The following SAMD9L variants were observed in gnomAD, a reference collection of about 807,000 sequenced individuals.
SAMD9L encodes the protein sterile alpha motif domain-containing protein 9-like.
SAMD9L carries 68 observed loss-of-function variants against 90.7 expected under a neutral mutation model. The observed-to-expected ratio is 0.75, with a 90% CI of 0.62 to 0.92. SAMD9L has a LOEUF of 0.92. SAMD9L is among the 40% of genes least tolerant of loss of function. The pLI is 0.00. For missense variants in SAMD9L, 1,604 were observed against 1,824.3 expected, an observed-to-expected ratio of 0.88 and a Z score of 2.20; for synonymous variants, 640 against 630.1, an observed-to-expected ratio of 1.02 and a Z score of -0.23.
rs759789726 is a variant in SAMD9L, at chr7:93,135,710, C to T, written c.262G>A (p.Gly88Arg). 2 of 1,613,758 alleles carry T rather than the reference C, an allele frequency of 1.2e-6. No individual in the cohort carries two copies. Among genetic ancestry groups the T allele is most frequent in the African/African-American group, 1.3e-5 (1 of 74,894 alleles). ...KSPESDNHDP[G>R]QLDNSKPSKT... ...GACGGTTTTGAATTATCTAATTGTC[C>T]CGGATCATGATTGTCACTTTCAGGG... is the stretch of plus-strand genomic sequence containing the variant. The change falls in exon 5 of 5, where the codon GGA (glycine) becomes AGA (arginine). Residue 88 changes from glycine (G) to arginine (R), a missense_variant. Coordinates refer to ENST00000318238, the MANE Select transcript of SAMD9L (RefSeq NM_152703.5).
rs147866513 is a variant in SAMD9L, at chr7:93,135,058, A to G, written c.914T>C (p.Ile305Thr). The change falls in exon 5 of 5, where the codon ATT becomes ACT. Residue 305 changes from isoleucine (I) to threonine (T), a missense_variant. Around this residue, in one of 7 missense-constraint regions of SAMD9L, gnomAD observed 374 missense variants for 363.6 expected, o/e 1.03. Coordinates refer to ENST00000318238, the MANE Select transcript of SAMD9L (RefSeq NM_152703.5). ...QNNTPSDRFV[I>T]EVDTIPKHSI... ...GTGTTTTGGAATAGTATCAACTTCA[A>G]TGACAAATCTGTCAGATGGTGTATT... is the stretch of plus-strand genomic sequence containing the variant. 22 of 1,613,186 alleles carry G rather than the reference A, an allele frequency of 1.4e-5. No individual in the cohort carries two copies. The highest frequency in any genetic ancestry group is 2.7e-5 in the African/African-American group (2 of 74,922).
At chr7:93,136,240 T>C (rs952446144) in intron 4 of SAMD9L, among the ~76,000 whole-genome samples, 1 of 152,222 alleles carries the variant, frequency 6.6e-6, no homozygotes, top group Non-Finnish European at 1.5e-5. Flanking sequence ...ACACACCTTT[T>C]AGCCTTATAA....
At position 93,131,539 on chromosome 7, in the gene SAMD9L, A is replaced by G; in HGVS notation, c.4433T>C (p.Leu1478Pro). The stretch of plus-strand genomic sequence containing the variant: ...ACTGTTTAGACCCTTCCTTTTGCCC[A>G]GATAGAAAAGTGTGCTTGCCTGCTT... Reference protein sequence around the residue: ...RSKQASTLFYLGKRKGLNSIV... With the variant: ...RSKQASTLFYPGKRKGLNSIV... The change falls in exon 5 of 5, where the codon CTG (leucine) becomes CCG (proline). Residue 1478 changes from leucine (L) to proline (P), a missense_variant. By Grantham distance (98) the Leu-to-Pro change is moderately conservative. This residue lies in a region of SAMD9L where 282 missense variants were observed against 329.6 expected (regional missense o/e 0.86). Transcript: ENST00000318238. 6.2e-7 allele frequency: 1 copy of G among 1,613,974 alleles called. No individual in the cohort carries two copies. Among genetic ancestry groups the G allele is most frequent in the Non-Finnish European group, 8.5e-7 (1 of 1,179,896 alleles).
rs745399870 is a variant in SAMD9L at position 93,134,293 on chromosome 7, A to C, written c.1679T>G (p.Leu560Arg). 142 of 1,613,222 alleles carry C rather than the reference A, an allele frequency of 8.8e-5. No homozygotes were observed. The highest frequency in any genetic ancestry group is 1.2e-4 in the Non-Finnish European group (136 of 1,179,808). Residue 560 changes from leucine (L) to arginine (R), a missense_variant, in exon 5 of 5, where the codon CTC (leucine) becomes CGC (arginine). Leu to Arg is a moderately radical substitution (Grantham distance 102, BLOSUM62 -2). This residue lies in a region of SAMD9L where 606 missense variants were observed against 717.6 expected (regional missense o/e 0.84). Coordinates refer to ENST00000318238, the MANE Select transcript of SAMD9L (RefSeq NM_152703.5). ...LSSVESPGDP[L>R]IETFWAFYQA... ...ATAGAAAGCCCAGAAAGTTTCAATG[A>C]GTGGATCTCCTGGGCTTTCCACTGA...
chr7:93,137,810 C>A (rs1271250451), intron 4 of SAMD9L, among the ~76,000 whole-genome samples: 1 of 145,150 alleles, frequency 6.9e-6, no homozygotes, highest in African/African-American at 2.5e-5. Flanking sequence ...TTTGAACCAT[C>A]TGTGCTTGGA....
Position 93,131,535 on chromosome 7 carries a change from G to A in SAMD9L, c.4437C>T (p.Gly1479=). The change falls in exon 5 of 5, where the codon GGC becomes GGT. Residue 1479 remains glycine (G), a synonymous_variant. Coordinates refer to ENST00000318238, the MANE Select transcript of SAMD9L (RefSeq NM_152703.5). ...SKQASTLFYL[G]KRKGLNSIVH... The stretch of plus-strand genomic sequence containing the variant: ...CAATACTGTTTAGACCCTTCCTTTT[G>A]CCCAGATAGAAAAGTGTGCTTGCCT... 1 of 1,613,876 alleles carries A rather than the reference G, an allele frequency of 6.2e-7. No individual in the cohort carries two copies. Among genetic ancestry groups the A allele is most frequent in the Non-Finnish European group, 8.5e-7 (1 of 1,179,884 alleles).
chr7:93,133,240 C>A lies in SAMD9L; in HGVS notation c.2732G>T (p.Gly911Val). 6.2e-7 allele frequency: 1 copy of A among 1,613,076 alleles called. No homozygotes were observed. The highest frequency in any genetic ancestry group is 8.5e-7 in the Non-Finnish European group (1 of 1,179,520). The change falls in exon 5 of 5, where the codon GGA becomes GTA. Residue 911 changes from glycine (G) to valine (V), a missense_variant. Physicochemically the swap from Gly to Val is moderately radical, Grantham distance 109. This residue lies in a region of SAMD9L where 606 missense variants were observed against 717.6 expected (regional missense o/e 0.84). Coordinates refer to ENST00000318238, the MANE Select transcript of SAMD9L (RefSeq NM_152703.5). ...TGCTTCCTTGCTGTCAACATCCTGT[C>A]CTTTTAGGATATTCCTGACTACATT... is the stretch of plus-strand genomic sequence containing the variant. ...IENVVRNILK[G>V]QDVDSKEAQL...
chr7:93,143,663 A>G (rs1282814932), intron 4 of SAMD9L, among the ~76,000 whole-genome samples: 1 of 152,252 alleles, frequency 6.6e-6, no homozygotes, highest in Admixed American at 6.5e-5. Context: ...TAACATAAAA[A>G]TATTTCTCAG....
rs1043731715 is a variant in SAMD9L, at chr7:93,132,950, T to C, written c.3022A>G (p.Lys1008Glu). The C allele has an allele frequency of 1.9e-6, 3 of 1,613,424 alleles. No individual in the cohort carries two copies. The African/African-American group carries it at 4.0e-5, about 22-fold the overall frequency. The change falls in exon 5 of 5, where the codon AAA becomes GAA. Residue 1008 changes from lysine (K) to glutamate (E), a missense_variant. Coordinates refer to ENST00000318238, the MANE Select transcript of SAMD9L (RefSeq NM_152703.5). The part of the protein sequence containing the change: ...KELERSYHLD[K>E]CQIALNILEE... ...AATATATTCAATGCAATTTGACATT[T>C]ATCCAAGTGATAGCTTCTTTCCAGT...
rs190932027 is a variant in SAMD9L at position 93,143,246 on chromosome 7, G to C, written c.-21+1486C>G. Reference sequence around the variant, plus strand: ...TACCTTGTCTTAGAGGTTTCCCAATGGTTCAAAGATAAAGACTCCACACCC... The same window carrying C: ...TACCTTGTCTTAGAGGTTTCCCAATCGTTCAAAGATAAAGACTCCACACCC... On this transcript the variant is annotated intron_variant, in intron 4 of 4. Coordinates refer to ENST00000318238, the MANE Select transcript of SAMD9L (RefSeq NM_152703.5). 3.4e-3 allele frequency among the ~76,000 whole-genome samples: 524 copies of C among 152,134 alleles called. 2 individuals carry two copies. Among genetic ancestry groups the C allele is most frequent in the Middle Eastern group, 6.8e-3 (2 of 292 alleles).
Position 93,133,431 on chromosome 7 carries a change from T to C in SAMD9L, c.2541A>G (p.Glu847=). 1 of 1,613,244 alleles carries C rather than the reference T, an allele frequency of 6.2e-7. No individual in the cohort carries two copies. Residue 847 remains glutamate, a synonymous_variant, in exon 5 of 5, where the codon GAA becomes GAG. Coordinates refer to ENST00000318238, the MANE Select transcript of SAMD9L (RefSeq NM_152703.5). ...CAATACTGTCTGCCAATTTTGCACT[T>C]TCATCTGGATTCCGGGATCTCATGC... is the stretch of plus-strand genomic sequence containing the variant. ...LNCMRSRNPD[E]SAKLADSIAL...
chr7:93,139,070 C>T (rs1036500406), intron 4 of SAMD9L, among the ~76,000 whole-genome samples: 1 of 151,974 alleles, frequency 6.6e-6, no homozygotes, highest in African/African-American at 2.4e-5. Flanking sequence ...AGTTTTTAGA[C>T]ATTTTAATAT....
rs764239040 is a variant in SAMD9L, at chr7:93,134,547, G to C, written c.1425C>G (p.Asp475Glu). ...ANLHFPNQYE[D>E]KTTNMWEKIS... Reference sequence around the variant, plus strand: ...TCTTCTCCCACATGTTAGTTGTCTTGTCTTCATATTGATTTGGAAAGTGAA... The same window carrying C: ...TCTTCTCCCACATGTTAGTTGTCTTCTCTTCATATTGATTTGGAAAGTGAA... The change falls in exon 5 of 5, where the codon GAC (aspartate) becomes GAG (glutamate). Residue 475 changes from aspartate (D) to glutamate (E), a missense_variant. Transcript: ENST00000318238. The C allele has an allele frequency of 4.3e-6, 7 of 1,613,888 alleles. No individual in the cohort carries two copies. The highest frequency in any genetic ancestry group is 2.2e-5 in the South Asian group (2 of 91,072).
rs1187433541 is a variant in SAMD9L at position 93,135,239 on chromosome 7, G to T, written c.733C>A (p.Pro245Thr). 4 of 1,613,940 alleles carry T rather than the reference G, an allele frequency of 2.5e-6. No individual in the cohort carries two copies. Among genetic ancestry groups the T allele is most frequent in the Non-Finnish European group, 3.4e-6 (4 of 1,179,976 alleles). The change falls in exon 5 of 5, where the codon CCC becomes ACC. Residue 245 changes from proline to threonine, a missense_variant. Physicochemically the swap from Pro to Thr is conservative, Grantham distance 38. Around this residue, in one of 7 missense-constraint regions of SAMD9L, gnomAD observed 374 missense variants for 363.6 expected, o/e 1.03. Coordinates refer to ENST00000318238, the MANE Select transcript of SAMD9L (RefSeq NM_152703.5). ...GTIHFGVKDK[P>T]HGEIVGVKIT... Reference sequence around the variant, plus strand: ...TTCACACCAACAATTTCTCCATGGGGTTTGTCCTTGACTCCAAAATGGATG... The same window carrying T: ...TTCACACCAACAATTTCTCCATGGGTTTTGTCCTTGACTCCAAAATGGATG...
Position 93,148,229 on chromosome 7 carries a change from G to C in SAMD9L, c.-1078C>G. 1 of 152,156 alleles carries C rather than the reference G, an allele frequency of 6.6e-6. No homozygotes were observed. Among genetic ancestry groups the C allele is most frequent in the Non-Finnish European group, 1.5e-5 (1 of 68,028 alleles). The allele number at this position is 152,156 out of a possible 1,614,324, so 9.4% of individuals were successfully genotyped here. A position where few individuals can be genotyped will look rare whatever the true frequency, so the allele number is the denominator to read the frequency against. On this transcript the variant is annotated 5_prime_UTR_variant, in exon 1 of 5. Transcript: ENST00000318238. ...CTGAAAATGTCATCGTTTTATATCA[G>C]AAACTTGAAACAGGCCATTTGAACT...
At position 93,135,535 on chromosome 7, in the gene SAMD9L, G is replaced by C. The variant is rs777324827; in HGVS notation, c.437C>G (p.Ala146Gly). ...ACCCTTTTTCTTGTGTTTAGCATTTGCTACTTCATCTAACACATTTTCTTT... is the reference window on the plus strand; with the variant it reads ...ACCCTTTTTCTTGTGTTTAGCATTTCCTACTTCATCTAACACATTTTCTTT... ...LMKENVLDEVANAKHKKKGKL... is the reference protein window; with the variant it reads ...LMKENVLDEVGNAKHKKKGKL... Residue 146 changes from alanine (A) to glycine (G), a missense_variant, in exon 5 of 5, where the codon GCA (alanine) becomes GGA (glycine). Coordinates refer to ENST00000318238, the MANE Select transcript of SAMD9L (RefSeq NM_152703.5). 6.2e-7 allele frequency: 1 copy of C among 1,613,926 alleles called. No homozygotes were observed. The highest frequency in any genetic ancestry group is 8.5e-7 in the Non-Finnish European group (1 of 1,179,884).
intron 4 of SAMD9L, among the ~76,000 whole-genome samples, chr7:93,142,548 G>A (rs1405743375): frequency 6.6e-6 from 1 of 152,166 alleles, no homozygotes; most frequent in African/African-American, 2.4e-5. Flanking sequence ...CATCTAACAG[G>A]CAAATTACAG....
chr7:93,137,009 T>C (rs917512749), intron 4 of SAMD9L, among the ~76,000 whole-genome samples: 1 of 152,162 alleles, frequency 6.6e-6, no homozygotes, highest in Non-Finnish European at 1.5e-5. Context: ...TTAGACCTAC[T>C]GAATCAGAAT....
At chr7:93,141,890 G>A (rs1351888899) in intron 4 of SAMD9L, among the ~76,000 whole-genome samples, 1 of 152,138 alleles carries the variant, frequency 6.6e-6, no homozygotes, top group Non-Finnish European at 1.5e-5. Flanking sequence ...TGGAGTAAAA[G>A]CCAAAGTCCT....
Sources: gnomAD v4.1 joint callset for allele counts (sites outside exome capture counted in the v4.1 genomes callset) on GRCh38, gnomAD v4.1.1 for gene constraint, gnomAD v4.1.1 regional missense constraint, MANE v1.5 for transcripts, NCBI Gene and HGNC (gene_info 2026-07-23, HGNC 2026-07-21) for gene names.